The following EYS variants were observed in gnomAD, a reference collection of about 807,000 sequenced individuals.
The protein encoded by EYS is protein eyes shut homolog.
In EYS, 250 loss-of-function variants were observed where a neutral mutation model predicts 282.1. The ratio of observed to expected loss-of-function variants is 0.89; its 90% CI spans 0.80 to 0.98. EYS has a LOEUF of 0.98. Among genes scored for constraint, EYS ranks in the 50% least tolerant of loss-of-function variants. The pLI is 0.00. For missense variants in EYS, 4,016 were observed against 3,709.0 expected (o/e 1.08, Z -2.15); for synonymous variants, 1,355 against 1,282.9 (o/e 1.06, Z -1.20).
chr6:64,632,590 G>A (rs1048838535), intron 22 of EYS, among the ~76,000 whole-genome samples: 1 of 152,268 alleles, frequency 6.6e-6, no homozygotes, highest in African/African-American at 2.4e-5. Flanking sequence ...TGTCCTGGAT[G>A]ATATACCAGA....
intron 26 of EYS, among the ~76,000 whole-genome samples, chr6:64,556,106 A>G (rs1030789040): frequency 6.6e-6 from 1 of 152,030 alleles, no homozygotes; most frequent in Non-Finnish European, 1.5e-5. Flanking sequence ...ACATACACTT[A>G]CCAACAACTG....
At chr6:64,616,256 G>A (rs1380870114) in intron 24 of EYS, among the ~76,000 whole-genome samples, 3 of 152,066 alleles carry the variant, frequency 2.0e-5, no homozygotes, top group East Asian at 1.9e-4. Flanking sequence ...TATAATCTGA[G>A]GTGTCAGAAA....
intron 12 of EYS, among the ~76,000 whole-genome samples, chr6:65,277,573 A>G (rs79115018): frequency 0.015 from 2,324 of 152,230 alleles, 70 homozygotes; most frequent in African/African-American, 0.053. Flanking sequence ...TGGCACCCTC[A>G]TTTTGAACAT....
intron 12 of EYS, among the ~76,000 whole-genome samples, chr6:65,131,455 A>AT (rs1487205958): frequency 1.3e-5 from 2 of 151,822 alleles, no homozygotes; most frequent in Non-Finnish European, 2.9e-5. Context: ...TTACATGAAA[A>AT]TTAAACAATA....
chr6:63,785,524 G>A (rs1770338211), intron 39 of EYS, among the ~76,000 whole-genome samples: 1 of 152,130 alleles, frequency 6.6e-6, no homozygotes, highest in South Asian at 2.1e-4. Flanking sequence ...AAAACAGTAA[G>A]GCACAGCGTA....
chr6:63,985,816 A>C (rs1189895546), intron 34 of EYS, among the ~76,000 whole-genome samples: 1 of 151,860 alleles, frequency 6.6e-6, no homozygotes, highest in Non-Finnish European at 1.5e-5. Context: ...CAAAACTATA[A>C]AAACCCTGGA....
intron 26 of EYS, among the ~76,000 whole-genome samples, chr6:64,456,559 T>C (rs1202266101): frequency 6.6e-6 from 1 of 152,076 alleles, no homozygotes; most frequent in African/African-American, 2.4e-5. Context: ...TGTTATACTA[T>C]ATAAGAACAC....
chr6:64,512,397 G>A (rs1018112844), intron 26 of EYS, among the ~76,000 whole-genome samples: 2 of 151,950 alleles, frequency 1.3e-5, no homozygotes, highest in African/African-American at 4.8e-5. Context: ...CTGCAGTAGG[G>A]TTAAGCAAAA....
chr6:65,490,785 A>G, intron 4 of EYS, 78 bp from the exon 5 acceptor site: 1 of 780,330 alleles, frequency 1.3e-6, no homozygotes, highest in East Asian at 2.7e-5. Context: ...TTCTTTAATA[A>G]TGAAAATATC....
rs80022444 is a variant in EYS, at chr6:64,403,930, G to A, written c.5928-15090C>T. Among the ~76,000 whole-genome samples the A allele has an allele frequency of 4.1e-3, 623 of 152,218 alleles. 7 individuals carry two copies. Among genetic ancestry groups the A allele is most frequent in the African/African-American group, 0.014 (593 of 41,536 alleles). The stretch of plus-strand genomic sequence containing the variant: ...CAGAGGAAAATCCAGTTTTTTGTTC[G>A]TGAATCCAAAAATCAGCCCACTGGG... On this transcript the variant is annotated intron_variant, in intron 28 of 42. Coordinates refer to ENST00000503581, the MANE Select transcript of EYS (RefSeq NM_001142800.2).
chr6:64,355,312 G>T (rs1008426093), intron 29 of EYS, among the ~76,000 whole-genome samples: 1 of 151,524 alleles, frequency 6.6e-6, no homozygotes, highest in African/African-American at 2.4e-5. Context: ...TAGCTATGTG[G>T]CTTCCAGGTC....
chr6:63,928,460 T>G (rs1407179455), intron 35 of EYS, among the ~76,000 whole-genome samples: 1 of 152,174 alleles, frequency 6.6e-6, no homozygotes, highest in South Asian at 2.1e-4. Context: ...CAGTGAATAT[T>G]TGTCAAATGA....
intron 36 of EYS, among the ~76,000 whole-genome samples, chr6:63,848,201 T>C (rs1434511143): frequency 6.6e-6 from 1 of 152,110 alleles, no homozygotes; most frequent in Non-Finnish European, 1.5e-5. Flanking sequence ...GATTGCTGTA[T>C]TAGCTGAAGT....
chr6:65,537,470 G>T (rs1768002561), intron 2 of EYS, among the ~76,000 whole-genome samples: 1 of 151,702 alleles, frequency 6.6e-6, no homozygotes, highest in African/African-American at 2.4e-5. Flanking sequence ...AATTAAATAA[G>T]ACTTGTTTAT....
At chr6:65,392,091 A>G (rs1766061292) in intron 7 of EYS, among the ~76,000 whole-genome samples, 1 of 152,126 alleles carries the variant, frequency 6.6e-6, no homozygotes, top group South Asian at 2.1e-4. Context: ...TATTTAATAA[A>G]TGGTGCTGGG....
intron 24 of EYS, among the ~76,000 whole-genome samples, chr6:64,612,881 A>G (rs1767156088): frequency 6.7e-6 from 1 of 150,044 alleles, no homozygotes. Context: ...GGAATCTGGG[A>G]AAAAAGTGCC....
intron 31 of EYS, among the ~76,000 whole-genome samples, chr6:64,214,234 C>T (rs1765863308): frequency 6.6e-6 from 1 of 151,932 alleles, no homozygotes; most frequent in South Asian, 2.1e-4. Flanking sequence ...AGGTTCTTTC[C>T]AGAACTCAGC....
chr6:64,128,684 A>G (rs1338182949), intron 31 of EYS, among the ~76,000 whole-genome samples: 1 of 152,200 alleles, frequency 6.6e-6, no homozygotes, highest in East Asian at 1.9e-4. Flanking sequence ...GATAATCTGT[A>G]TAGCTCATTC....
chr6:64,192,236 G>C lies in EYS; in HGVS notation c.6424+38356C>G, dbSNP rs1365371080. 2.0e-5 allele frequency among the ~76,000 whole-genome samples: 3 copies of C among 151,146 alleles called. No individual in the cohort carries two copies. The East Asian group carries it at 5.9e-4, about 30-fold the overall frequency. On this transcript the variant is annotated intron_variant, in intron 31 of 42. Coordinates refer to ENST00000503581, the MANE Select transcript of EYS (RefSeq NM_001142800.2). ...TGTAGATTCTGGATATTAGCCCTTT[G>C]TCAGATGAGTAGGTTGCGAAAATTT...
Sources: gnomAD v4.1 joint callset for allele counts (sites outside exome capture counted in the v4.1 genomes callset) on GRCh38, gnomAD v4.1.1 for gene constraint, MANE v1.5 for transcripts, NCBI Gene and HGNC (gene_info 2026-07-23, HGNC 2026-07-21) for gene names.